The following EYA2 variants were observed in gnomAD, a reference collection of about 807,000 sequenced individuals.
The protein encoded by EYA2 is EYA transcriptional coactivator and phosphatase 2, also known as protein phosphatase EYA2.
Under a neutral mutation model 69.2 loss-of-function variants are expected in EYA2, and 31 were observed. The ratio of observed to expected loss-of-function variants is 0.45; its 90% CI spans 0.34 to 0.60. EYA2 has a LOEUF of 0.60. EYA2 is among the 20% of genes least tolerant of loss of function. The pLI is 0.02. For synonymous variants in EYA2, 257 were observed against 279.4 expected, an observed-to-expected ratio of 0.92 and a Z score of 0.80; for missense variants, 622 against 701.2, an observed-to-expected ratio of 0.89 and a Z score of 1.28.
At chr20:47,118,774 G>A (rs1446878622) in intron 9 of EYA2, among the ~76,000 whole-genome samples, 2 of 152,124 alleles carry the variant, frequency 1.3e-5, no homozygotes, top group African/African-American at 4.8e-5. Context: ...TGAGAGTTCT[G>A]AGCGAGTTAA....
At chr20:47,016,389 G>A (rs888549927) in intron 5 of EYA2, 92 bp downstream of exon 5, 5 of 946,590 alleles carry the variant, frequency 5.3e-6, no homozygotes, top group Non-Finnish European at 8.7e-6. Flanking sequence ...GATTTTTTGA[G>A]CACCTACTAT....
intron 10 of EYA2, among the ~76,000 whole-genome samples, chr20:47,168,919 A>G (rs936152249): frequency 3.9e-5 from 6 of 152,136 alleles, no homozygotes; most frequent in Non-Finnish European, 8.8e-5. Flanking sequence ...CTTGCAGTCA[A>G]CCTGCTCATT....
chr20:46,935,880 G>A (rs982555062), intron 1 of EYA2, among the ~76,000 whole-genome samples: 14 of 151,500 alleles, frequency 9.2e-5, no homozygotes, highest in East Asian at 5.8e-4. Flanking sequence ...ATTATTATTC[G>A]GTAGTAGTAG....
At chr20:47,180,731 C>T (rs774740172) in intron 13 of EYA2, 84 bp from the exon 14 acceptor site, 33 of 1,532,336 alleles carry the variant, frequency 2.2e-5, no homozygotes, top group Admixed American at 1.3e-4. Flanking sequence ...CCAGATTTCC[C>T]GCCAACTGCA....
chr20:46,937,741 C>A (rs1279676787), intron 1 of EYA2, among the ~76,000 whole-genome samples: 2 of 150,454 alleles, frequency 1.3e-5, no homozygotes, highest in African/African-American at 4.9e-5. Flanking sequence ...TCCAGAGAGA[C>A]CTTTCCGGCC....
chr20:46,978,769 G>T, intron 1 of EYA2: 1 of 513,484 alleles, frequency 1.9e-6, no homozygotes, highest in Non-Finnish European at 4.0e-6. Context: ...ATGGTGGCTT[G>T]GACCTGGGCG....
At chr20:47,157,353 CAAAAAAAAAAA>C (rs57425490) in intron 10 of EYA2, among the ~76,000 whole-genome samples, 10 of 60,772 alleles carry the variant, frequency 1.6e-4, no homozygotes, top group Non-Finnish European at 2.5e-4. Context: ...GACTCCGTCT[CAAAAAAAAAAA>C]AAAAAAAAAA....
chr20:47,089,267 C>G lies in EYA2; in HGVS notation c.690C>G (p.Ser230=). The G allele has an allele frequency of 6.2e-7, 1 of 1,614,166 alleles. No homozygotes were observed. Among genetic ancestry groups the G allele is most frequent in the Non-Finnish European group, 8.5e-7 (1 of 1,180,030 alleles). The change falls in exon 8 of 16, where the codon TCC becomes TCG. Residue 230 remains serine (S), a synonymous_variant. Coordinates refer to ENST00000327619, the MANE Select transcript of EYA2 (RefSeq NM_005244.5). ...AGEYNTHNGP[S]TPAKEGDTDR... Reference sequence around the variant, plus strand: ...AATACAACACACACAATGGACCTTCCACACCAGCGAAAGAGGGAGACACAG... The same window carrying G: ...AATACAACACACACAATGGACCTTCGACACCAGCGAAAGAGGGAGACACAG...
At chr20:47,183,138 A>G (rs762162077) in intron 14 of EYA2, among the ~76,000 whole-genome samples, 153 bp from the exon 15 acceptor site, 2 of 152,124 alleles carry the variant, frequency 1.3e-5, no homozygotes, top group Non-Finnish European at 2.9e-5. Flanking sequence ...GGATGATAAC[A>G]GGGCTCACCT....
chr20:47,173,046 T>TG (rs2034357080), intron 12 of EYA2, among the ~76,000 whole-genome samples, 179 bp downstream of exon 12: 2 of 152,044 alleles, frequency 1.3e-5, no homozygotes, highest in Non-Finnish European at 2.9e-5. Context: ...ACCTTCACTT[T>TG]GGGGGTGGGA....
intron 1 of EYA2, among the ~76,000 whole-genome samples, chr20:46,971,438 T>C (rs1176812175): frequency 1.3e-5 from 2 of 152,234 alleles, no homozygotes; most frequent in African/African-American, 2.4e-5. Context: ...CCCATTCCTT[T>C]AAGGACCTAA....
At position 46,919,328 on chromosome 20, in the gene EYA2, C is replaced by T. The variant is rs748747994; in HGVS notation, c.-11+24341C>T. On this transcript the variant is annotated intron_variant, in intron 1 of 15. Transcript: ENST00000327619. ...GCCCTAGATGGGATCTTCTTCCAAT[C>T]GAATGCTGTTTTGTCTGCATTAAGA... Among the ~76,000 whole-genome samples, 5 of 152,372 alleles carry T rather than the reference C, an allele frequency of 3.3e-5. No homozygotes were observed. The South Asian group carries it at 6.2e-4, about 19-fold the overall frequency.
chr20:46,932,500 G>A (rs183784513), intron 1 of EYA2, among the ~76,000 whole-genome samples: 261 of 152,010 alleles, frequency 1.7e-3, no homozygotes, highest in African/African-American at 6.2e-3. Flanking sequence ...GGAGGGACCT[G>A]GTGGGAGGTG....
intron 10 of EYA2, among the ~76,000 whole-genome samples, chr20:47,156,151 T>C (rs778434157): frequency 0.02 from 552 of 27,202 alleles, 5 homozygotes; most frequent in Non-Finnish European, 0.027. Context: ...TATATATATA[T>C]ATATATATAT....
intron 4 of EYA2, among the ~76,000 whole-genome samples, chr20:47,007,049 C>G (rs796572465): frequency 1.5e-4 from 23 of 152,318 alleles, no homozygotes; most frequent in African/African-American, 5.5e-4. Context: ...CCCACCTCAG[C>G]CTCCCAAATA....
chr20:47,128,245 C>G (rs2033250688), intron 9 of EYA2, among the ~76,000 whole-genome samples: 1 of 152,176 alleles, frequency 6.6e-6, no homozygotes, highest in Non-Finnish European at 1.5e-5. Context: ...TTCCAGTTAG[C>G]TTTGCCTTTT....
intron 7 of EYA2, among the ~76,000 whole-genome samples, chr20:47,080,987 C>G (rs759548735): frequency 3.3e-5 from 5 of 152,176 alleles, no homozygotes; most frequent in Non-Finnish European, 7.3e-5. Flanking sequence ...CCCTCAGCCT[C>G]TCAAGTAGTT....
chr20:47,089,200 A>G, intron 7 of EYA2, 39 bp from the exon 8 acceptor site: 5 of 1,605,612 alleles, frequency 3.1e-6, no homozygotes, highest in Non-Finnish European at 4.3e-6. Flanking sequence ...ACACCCAGCA[A>G]AGCTTCTGAT....
chr20:47,040,709 G>A (rs1985012814), intron 5 of EYA2, among the ~76,000 whole-genome samples: 1 of 152,192 alleles, frequency 6.6e-6, no homozygotes, highest in African/African-American at 2.4e-5. Flanking sequence ...CAAGCAAGTT[G>A]CTTGAGGTCA....
Sources: allele counts gnomAD v4.1 joint callset (sites outside exome capture counted in the v4.1 genomes callset), GRCh38; gene constraint gnomAD v4.1.1; transcripts MANE v1.5; gene names NCBI Gene and HGNC (gene_info 2026-07-23, HGNC 2026-07-21).